Variants in ZNF624 observed in about 807,000 individuals in gnomAD.
ZNF624 encodes zinc finger protein 624.
A neutral mutation model predicts 74.7 loss-of-function variants in ZNF624; 43 were observed. The ratio of observed to expected loss-of-function variants is 0.58; its 90% confidence interval spans 0.45 to 0.74. The LOEUF (loss-of-function observed/expected upper bound fraction) is 0.74. Among genes scored for constraint, ZNF624 ranks in the 30% least tolerant of loss-of-function variants. ZNF624 has a pLI of 0.00. For missense variants in ZNF624, 820 were observed against 1,030.0 expected (o/e 0.80, Z 2.79); for synonymous variants, 331 against 341.3 (o/e 0.97, Z 0.33).
chr17:16,619,633 A>G (rs768824542), downstream of ZNF624, among the ~76,000 whole-genome samples: 35 of 152,350 alleles, frequency 2.3e-4, no homozygotes, highest in Admixed American at 1.4e-3. Flanking sequence ...CCCATAATGG[A>G]ATAGCGGCAT....
chr17:16,629,455 G>C (rs1048229576), intron 5 of ZNF624, among the ~76,000 whole-genome samples: 4 of 151,924 alleles, frequency 2.6e-5, no homozygotes, highest in Non-Finnish European at 5.9e-5. Flanking sequence ...CCTTTAATGA[G>C]CAACAATTAG....
downstream of ZNF624, among the ~76,000 whole-genome samples, chr17:16,619,820 G>T (rs547686801): frequency 2.0e-5 from 3 of 152,224 alleles, no homozygotes; most frequent in Admixed American, 2.0e-4. Context: ...ATGGGAGGGA[G>T]GGTTTAGATG....
chr17:16,645,613 T>G (rs1419377310), intron 3 of ZNF624, among the ~76,000 whole-genome samples: 1 of 150,346 alleles, frequency 6.7e-6, no homozygotes, highest in Non-Finnish European at 1.5e-5. Context: ...TGAAATTTCT[T>G]CTTTTAAAGG....
chr17:16,639,413 T>C (rs1158773056), intron 3 of ZNF624, among the ~76,000 whole-genome samples: 1 of 152,176 alleles, frequency 6.6e-6, no homozygotes, highest in Non-Finnish European at 1.5e-5. Context: ...TTCATAAACT[T>C]TATTGTTAAT....
At chr17:16,639,939 A>C (rs1909427619) in intron 3 of ZNF624, among the ~76,000 whole-genome samples, 1 of 152,236 alleles carries the variant, frequency 6.6e-6, no homozygotes, top group South Asian at 2.1e-4. Context: ...TACACAGTAA[A>C]AAATAAAGCA....
intron 1 of ZNF624, among the ~76,000 whole-genome samples, chr17:16,653,410 G>A (rs111649030): frequency 3.7e-4 from 56 of 152,368 alleles, no homozygotes; most frequent in African/African-American, 1.3e-3. Context: ...CGCGGGGCTG[G>A]GAAGACCGGG....
chr17:16,616,918 G>A (rs1376648205), downstream of ZNF624: 8 of 1,529,458 alleles, frequency 5.2e-6, no homozygotes, highest in East Asian at 1.6e-4. Flanking sequence ...TCTTGAAGTA[G>A]CTCTTTTTGG....
Position 16,622,681 on chromosome 17 carries a change from C to T in ZNF624, c.2205G>A (p.Gln735=). Residue 735 remains glutamine (Q), a synonymous_variant, in exon 6 of 6, where the codon CAG becomes CAA. Coordinates refer to ENST00000311331, the MANE Select transcript of ZNF624 (RefSeq NM_020787.4). ...TCTGATGTTCTGTGACATGTACCAT[C>T]TGGCTAAATGCTTTCCCACAGTCAT... is the stretch of plus-strand genomic sequence containing the variant. The part of the protein sequence containing the change: ...KCNDCGKAFS[Q]MVHVTEHQKI... 4 of 1,613,978 alleles carry T rather than the reference C, an allele frequency of 2.5e-6. No individual in the cohort carries two copies. The highest frequency in any genetic ancestry group is 3.4e-6 in the Non-Finnish European group (4 of 1,179,948).
At chr17:16,629,640 C>T (rs1909159534) in intron 5 of ZNF624, among the ~76,000 whole-genome samples, 1 of 152,150 alleles carries the variant, frequency 6.6e-6, no homozygotes, top group African/African-American at 2.4e-5. Context: ...AATCTCAGCT[C>T]ATTGCAACCT....
At chr17:16,614,374 G>T in the ZNF624 span, among the ~76,000 whole-genome samples, 1 of 152,054 alleles carries the variant, frequency 6.6e-6, no homozygotes, top group Non-Finnish European at 1.5e-5. Context: ...AGATCCTAAA[G>T]ATATTAAAAA....
downstream of ZNF624, chr17:16,617,386 A>G: frequency 2.5e-6 from 4 of 1,613,450 alleles, no homozygotes; most frequent in Non-Finnish European, 3.4e-6. Context: ...TGTGCCATCC[A>G]GTTTGTCCAA....
At chr17:16,620,452 CTTCT>C (rs1189428788), downstream of ZNF624, among the ~76,000 whole-genome samples, 8 of 152,170 alleles carry the variant, frequency 5.3e-5, no homozygotes, top group South Asian at 2.1e-4. Context: ...GAAAGTGGAA[CTTCT>C]TTCTGAGGCT....
chr17:16,617,049 G>C, downstream of ZNF624: 3 of 1,610,284 alleles, frequency 1.9e-6, no homozygotes, highest in South Asian at 3.3e-5. Context: ...TGGGGGATCC[G>C]GACCGAGACC....
intron 5 of ZNF624, among the ~76,000 whole-genome samples, chr17:16,626,947 C>T (rs142316220): frequency 0.015 from 2,314 of 151,552 alleles, 47 homozygotes; most frequent in African/African-American, 0.053. Context: ...CCCAGCTACT[C>T]GGGAGGCTGA....
At chr17:16,639,429 G>T (rs1909415452) in intron 3 of ZNF624, among the ~76,000 whole-genome samples, 1 of 152,024 alleles carries the variant, frequency 6.6e-6, no homozygotes, top group Non-Finnish European at 1.5e-5. Flanking sequence ...TTAATCACTT[G>T]ACATGTGTCT....
intron 3 of ZNF624, among the ~76,000 whole-genome samples, chr17:16,645,674 G>A (rs1055474224): frequency 2.7e-5 from 4 of 150,394 alleles, no homozygotes; most frequent in East Asian, 2.0e-4. Context: ...AATGTCAGCC[G>A]GGCGCAGTGG....
intron 3 of ZNF624, among the ~76,000 whole-genome samples, chr17:16,639,503 G>C (rs1408335976): frequency 6.6e-6 from 1 of 152,032 alleles, no homozygotes; most frequent in African/African-American, 2.4e-5. Context: ...GAAAAAATCT[G>C]AGAAGGCCCT....
chr17:16,617,333 G>A, downstream of ZNF624: 22 of 1,613,694 alleles, frequency 1.4e-5, no homozygotes, highest in Non-Finnish European at 1.9e-5. Flanking sequence ...TGGCTTGTGC[G>A]TGGCTTATCT....
At chr17:16,615,784 A>G (rs1162247987), downstream of ZNF624, among the ~76,000 whole-genome samples, 1 of 151,968 alleles carries the variant, frequency 6.6e-6, no homozygotes, top group Non-Finnish European at 1.5e-5. Flanking sequence ...TAGCCAGTGC[A>G]ATAAAGCAAG....
Sources: allele counts gnomAD v4.1 joint callset (sites outside exome capture counted in the v4.1 genomes callset), GRCh38; gene constraint gnomAD v4.1.1; transcripts MANE v1.5; gene names NCBI Gene and HGNC (gene_info 2026-07-23, HGNC 2026-07-21).